Variants in CNTNAP5 observed in about 807,000 individuals in gnomAD.
CNTNAP5 encodes contactin-associated protein-like 5.
CNTNAP5 carries 72 observed loss-of-function variants against 150.2 expected under a neutral mutation model. The ratio of observed to expected loss-of-function variants is 0.48; its 90% CI spans 0.40 to 0.58. CNTNAP5 has a LOEUF of 0.58. Among genes scored for constraint, CNTNAP5 ranks in the 20% least tolerant of loss-of-function variants. The pLI is 0.00. For synonymous variants in CNTNAP5, 672 were observed against 619.8 expected, an observed-to-expected ratio of 1.08 and a Z score of -1.25; for missense variants, 1,636 against 1,626.2, an observed-to-expected ratio of 1.01 and a Z score of -0.10.
At chr2:124,087,036 C>T (rs1043855957) in intron 1 of CNTNAP5, among the ~76,000 whole-genome samples, 10 of 151,790 alleles carry the variant, frequency 6.6e-5, no homozygotes, top group Non-Finnish European at 1.5e-4. Flanking sequence ...TCACAGTTTA[C>T]TGGTGTCATC....
intron 3 of CNTNAP5, among the ~76,000 whole-genome samples, chr2:124,262,469 T>C (rs571119128): frequency 6.6e-6 from 1 of 152,172 alleles, no homozygotes; most frequent in Non-Finnish European, 1.5e-5. Flanking sequence ...GCTTAAGAAA[T>C]ACCAGCATCA....
At chr2:124,379,524 C>G (rs1406881483) in intron 3 of CNTNAP5, among the ~76,000 whole-genome samples, 1 of 152,078 alleles carries the variant, frequency 6.6e-6, no homozygotes, top group Non-Finnish European at 1.5e-5. Flanking sequence ...ATTCCATTGT[C>G]TGGACATACC....
At chr2:124,785,476 A>T (rs1681547468) in intron 17 of CNTNAP5, among the ~76,000 whole-genome samples, 1 of 152,248 alleles carries the variant, frequency 6.6e-6, no homozygotes, top group Admixed American at 6.5e-5. Flanking sequence ...TAAATGACTA[A>T]TAAGTTTATA....
At chr2:124,662,453 C>A (rs1678611949) in intron 13 of CNTNAP5, among the ~76,000 whole-genome samples, 1 of 152,064 alleles carries the variant, frequency 6.6e-6, no homozygotes, top group African/African-American at 2.4e-5. Flanking sequence ...GTTGTTGACC[C>A]AAATGCCATT....
At chr2:124,364,031 C>T (rs1416392845) in intron 3 of CNTNAP5, among the ~76,000 whole-genome samples, 1 of 152,154 alleles carries the variant, frequency 6.6e-6, no homozygotes, top group Non-Finnish European at 1.5e-5. Context: ...AATTTTGAAT[C>T]AGATGATGGC....
chr2:124,897,975 GTGTA>G (rs1434474887), intron 21 of CNTNAP5, among the ~76,000 whole-genome samples: 17 of 136,144 alleles, frequency 1.2e-4, no homozygotes, highest in Admixed American at 5.0e-4. Context: ...GTGTGTGTGT[GTGTA>G]TGTGTGTGTA....
intron 1 of CNTNAP5, among the ~76,000 whole-genome samples, chr2:124,132,614 C>T (rs1683877488): frequency 6.6e-6 from 1 of 152,068 alleles, no homozygotes; most frequent in Admixed American, 6.5e-5. Context: ...GCTATATAAG[C>T]ATCCAATAAT....
intron 13 of CNTNAP5, among the ~76,000 whole-genome samples, chr2:124,686,948 T>A (rs963353436): frequency 2.0e-5 from 3 of 152,136 alleles, no homozygotes; most frequent in African/African-American, 4.8e-5. Context: ...GGTAGAAATG[T>A]TCTTAGCTAC....
At chr2:124,313,764 T>C (rs1400501421) in intron 3 of CNTNAP5, among the ~76,000 whole-genome samples, 1 of 152,108 alleles carries the variant, frequency 6.6e-6, no homozygotes, top group Non-Finnish European at 1.5e-5. Context: ...TGGAGAGTAA[T>C]GTGGAATCCA....
At chr2:124,155,270 A>T (rs12711669) in intron 1 of CNTNAP5, among the ~76,000 whole-genome samples, 147,317 of 152,084 alleles carry the variant, frequency 0.97, 71,526 homozygotes, top group East Asian at 1. Flanking sequence ...CCCTAACTTG[A>T]CCTTCATTTT....
At chr2:124,602,702 A>T (rs995540446) in intron 11 of CNTNAP5, among the ~76,000 whole-genome samples, 5 of 152,322 alleles carry the variant, frequency 3.3e-5, no homozygotes, top group South Asian at 4.2e-4. Flanking sequence ...TATGTTGCTC[A>T]GGCTGGTCTC....
intron 13 of CNTNAP5, among the ~76,000 whole-genome samples, chr2:124,709,271 A>G (rs558223785): frequency 5.9e-5 from 9 of 151,756 alleles, no homozygotes; most frequent in African/African-American, 2.2e-4. Context: ...TCTTTTTAAT[A>G]GACTTATAAA....
intron 11 of CNTNAP5, among the ~76,000 whole-genome samples, chr2:124,598,215 G>A (rs1696877210): frequency 7.2e-6 from 1 of 139,494 alleles, no homozygotes; most frequent in Non-Finnish European, 1.5e-5. Flanking sequence ...AGGAGGAGAG[G>A]CGCTCTGCAT....
chr2:124,560,605 A>T lies in CNTNAP5; in HGVS notation c.1650-2612A>T, dbSNP rs530145492. Among the ~76,000 whole-genome samples the T allele has an allele frequency of 2.1e-5, 3 of 145,790 alleles. No individual in the cohort carries two copies. The South Asian group carries it at 6.9e-4, about 33-fold the overall frequency. ...ATTCTTCTTTCTTACCCAAAGTTAA[A>T]ATTCTGTTAGTTGAATGTAAGAGAA... On this transcript the variant is annotated intron_variant, in intron 10 of 23. Transcript: ENST00000682447.
chr2:124,105,923 C>T (rs1325245073), intron 1 of CNTNAP5, among the ~76,000 whole-genome samples: 1 of 152,076 alleles, frequency 6.6e-6, no homozygotes, highest in East Asian at 1.9e-4. Context: ...ACCTATTAGT[C>T]TACGGAGGGT....
At chr2:124,700,128 G>C (rs527922861) in intron 13 of CNTNAP5, among the ~76,000 whole-genome samples, 5 of 152,060 alleles carry the variant, frequency 3.3e-5, no homozygotes, top group Admixed American at 6.6e-5. Flanking sequence ...ATGGTCATTT[G>C]TTTCTGGCTT....
chr2:124,588,228 CTTTCTTTCTTCT>C (rs1696600028), intron 11 of CNTNAP5, among the ~76,000 whole-genome samples: 2 of 116,586 alleles, frequency 1.7e-5, no homozygotes, highest in Non-Finnish European at 3.6e-5. Context: ...TTCTTTCTTT[CTTTCTTTCTTCT>C]TTCTTTATTT....
At chr2:124,255,980 A>G (rs1687303168) in intron 3 of CNTNAP5, among the ~76,000 whole-genome samples, 1 of 152,246 alleles carries the variant, frequency 6.6e-6, no homozygotes, top group Non-Finnish European at 1.5e-5. Context: ...AAAAAAATAC[A>G]TATAACATCT....
intron 13 of CNTNAP5, among the ~76,000 whole-genome samples, chr2:124,676,414 T>C (rs780768720): frequency 1.1e-4 from 16 of 152,224 alleles, no homozygotes; most frequent in African/African-American, 3.6e-4. Flanking sequence ...CATTCCCCAA[T>C]TTTTCCTTTA....
Sources: gnomAD v4.1 joint callset for allele counts (sites outside exome capture counted in the v4.1 genomes callset) on GRCh38, gnomAD v4.1.1 for gene constraint, MANE v1.5 for transcripts, NCBI Gene and HGNC (gene_info 2026-07-23, HGNC 2026-07-21) for gene names.